Variants in FAM81B observed in about 807,000 individuals in gnomAD.
The protein encoded by FAM81B is family with sequence similarity 81 member B.
In FAM81B, 60 loss-of-function variants were observed where a neutral mutation model predicts 58.7. The observed-to-expected ratio is 1.02, with a 90% CI of 0.83 to 1.27. The LOEUF (loss-of-function observed/expected upper bound fraction) is 1.27, where lower values mean the gene tolerates loss of function less well. Ranked by LOEUF, FAM81B falls within the 50% of genes most tolerant of loss-of-function variation. FAM81B has a pLI of 0.00. For synonymous variants in FAM81B, 189 were observed against 179.6 expected, an observed-to-expected ratio of 1.05 and a Z score of -0.42; for missense variants, 491 against 522.0, an observed-to-expected ratio of 0.94 and a Z score of 0.58.
At chr5:95,407,296 A>G (rs1439228436) in intron 3 of FAM81B, among the ~76,000 whole-genome samples, 2 of 141,974 alleles carry the variant, frequency 1.4e-5, no homozygotes, top group African/African-American at 2.7e-5. Context: ...ACACACACGC[A>G]CATCTGCCAG....
chr5:95,414,305 T>G, intron 4 of FAM81B, 115 bp downstream of exon 4: 1 of 1,145,104 alleles, frequency 8.7e-7, no homozygotes, highest in African/African-American at 1.6e-5. Flanking sequence ...CACTATTGCT[T>G]AAGTTTAGAT....
At chr5:95,396,068 A>G (rs1172748538) in intron 2 of FAM81B, 43 bp from the exon 3 acceptor site, 1 of 1,450,008 alleles carries the variant, frequency 6.9e-7, no homozygotes, top group South Asian at 1.2e-5. Flanking sequence ...GTAATCTGTA[A>G]AGAAGCAGAT....
chr5:95,428,826 T>C, intron 6 of FAM81B, 94 bp downstream of exon 6: 1 of 1,535,360 alleles, frequency 6.5e-7, no homozygotes, highest in South Asian at 1.2e-5. Context: ...GGTAATTTTT[T>C]AAGAGAACTC....
rs759904264 is a variant in FAM81B, at chr5:95,414,200, TTTTTG to T, written c.537+15_537+19del. On this transcript the variant is annotated intron_variant, in intron 4 of 9. Transcript: ENST00000283357. Reference sequence around the variant, plus strand: ...CAGCCAAAATATTGAGGTAGTTCTCTTTTTGTTTTATTTTGTTTTTGTTTTGTATT... The same window carrying T: ...CAGCCAAAATATTGAGGTAGTTCTCTTTTTATTTTGTTTTTGTTTTGTATT... 9 of 1,524,546 alleles carry T rather than the reference TTTTTG, an allele frequency of 5.9e-6. No homozygotes were observed. Among genetic ancestry groups the T allele is most frequent in the Non-Finnish European group, 7.9e-6 (9 of 1,137,332 alleles). 94.4% of individuals were successfully genotyped at this position (1,524,546 alleles called of 1,614,324 possible).
chr5:95,443,867 A>G (rs1745455672), intron 7 of FAM81B, among the ~76,000 whole-genome samples: 1 of 152,214 alleles, frequency 6.6e-6, no homozygotes, highest in African/African-American at 2.4e-5. Flanking sequence ...ATGCCCTTCC[A>G]GAGATATTAC....
At chr5:95,437,831 C>G (rs1745166392) in intron 7 of FAM81B, among the ~76,000 whole-genome samples, 1 of 151,298 alleles carries the variant, frequency 6.6e-6, no homozygotes. Flanking sequence ...GAGGGAAATT[C>G]TAGTTACTTG....
intron 7 of FAM81B, among the ~76,000 whole-genome samples, chr5:95,441,930 C>T (rs1430593483): frequency 6.6e-6 from 1 of 152,220 alleles, no homozygotes; most frequent in Non-Finnish European, 1.5e-5. Flanking sequence ...AGGGGCAGCA[C>T]TTACCAGTCA....
At chr5:95,422,356 T>C in intron 5 of FAM81B, among the ~76,000 whole-genome samples, 1 of 151,488 alleles carries the variant, frequency 6.6e-6, no homozygotes, top group East Asian at 1.9e-4. Flanking sequence ...ATTTTATCAA[T>C]ACCAAAGAAG....
At chr5:95,391,592 A>C in intron 1 of FAM81B, 79 bp downstream of exon 1, 1 of 1,458,234 alleles carries the variant, frequency 6.9e-7, no homozygotes, top group Non-Finnish European at 9.2e-7. Context: ...ATATAAACAA[A>C]ATAATGAATC....
chr5:95,426,133 T>A (rs1762825358), intron 5 of FAM81B, among the ~76,000 whole-genome samples: 1 of 144,746 alleles, frequency 6.9e-6, no homozygotes, highest in Admixed American at 6.9e-5. Flanking sequence ...TGTACACATA[T>A]ATTTTAAGTA....
chr5:95,429,621 T>C (rs555107728), intron 6 of FAM81B, among the ~76,000 whole-genome samples: 2 of 152,212 alleles, frequency 1.3e-5, no homozygotes, highest in Non-Finnish European at 2.9e-5. Context: ...GGCCCAATAA[T>C]TTTTAAACTC....
Position 95,428,669 on chromosome 5 carries a change from T to C in FAM81B, c.723T>C (p.Ile241=). 1.2e-6 allele frequency: 2 copies of C among 1,613,968 alleles called. No homozygotes were observed. Among genetic ancestry groups the C allele is most frequent in the South Asian group, 1.1e-5 (1 of 91,070 alleles). The change falls in exon 6 of 10, where the codon ATT becomes ATC. Residue 241 remains isoleucine (I), a synonymous_variant. Coordinates refer to ENST00000283357, the MANE Select transcript of FAM81B (RefSeq NM_152548.3). The part of the protein sequence containing the change: ...IHLFRQEHRQ[I]EKAIQEFVPA... ...TATTCAGGCAAGAGCACCGGCAAAT[T>C]GAGAAAGCCATTCAAGAATTCGTGC...
intron 3 of FAM81B, 65 bp downstream of exon 3, chr5:95,396,240 CA>C: frequency 7.8e-7 from 1 of 1,277,634 alleles, no homozygotes; most frequent in Admixed American, 2.4e-5. Context: ...ATCTCACACG[CA>C]AAAAAGAAAA....
rs1235491378 is a variant in FAM81B at position 95,446,655 on chromosome 5, G to T, written c.987G>T (p.Leu329=). The T allele has an allele frequency of 1.2e-6, 2 of 1,611,766 alleles. No individual in the cohort carries two copies. The highest frequency in any genetic ancestry group is 1.7e-6 in the Non-Finnish European group (2 of 1,179,488). ...NQFLKYRKDH[L]GHINECLKVL... ...TTCTCAAATATAGAAAAGACCACCT[G>T]GGCCATATAAATGAATGTCTGAAGG... The change falls in exon 8 of 10, where the codon CTG becomes CTT. Residue 329 remains leucine (L), a synonymous_variant. Coordinates refer to ENST00000283357, the MANE Select transcript of FAM81B (RefSeq NM_152548.3).
intron 3 of FAM81B, among the ~76,000 whole-genome samples, chr5:95,407,627 T>C (rs1762291918): frequency 6.6e-6 from 1 of 152,210 alleles, no homozygotes; most frequent in Non-Finnish European, 1.5e-5. Flanking sequence ...CCTAACTGTT[T>C]TTTGTCTGAA....
intron 3 of FAM81B, among the ~76,000 whole-genome samples, chr5:95,398,770 A>G (rs1053054526): frequency 5.3e-5 from 8 of 152,228 alleles, no homozygotes; most frequent in African/African-American, 1.9e-4. Flanking sequence ...AGAATCTGAC[A>G]TTTGAGAAAA....
chr5:95,402,239 G>T (rs1184003377), intron 3 of FAM81B, among the ~76,000 whole-genome samples: 3 of 152,124 alleles, frequency 2.0e-5, no homozygotes, highest in Non-Finnish European at 4.4e-5. Context: ...TCATGTGTTT[G>T]TTCTTCCATG....
rs760483748 is a variant in FAM81B at position 95,414,094 on chromosome 5, T to A, written c.441T>A (p.His147Gln). Reference sequence around the variant, plus strand: ...TCTCTGCTTGCCTGCAGGGGACCCATGGCTTTCGAAAAGAGGAATCGCTCG... The same window carrying A: ...TCTCTGCTTGCCTGCAGGGGACCCAAGGCTTTCGAAAAGAGGAATCGCTCG... ...EDISACLQGT[H>Q]GFRKEESLAR... Residue 147 changes from histidine to glutamine, a missense_variant, in exon 4 of 10, where the codon CAT becomes CAA. Coordinates refer to ENST00000283357, the MANE Select transcript of FAM81B (RefSeq NM_152548.3). 31 of 1,613,960 alleles carry A rather than the reference T, an allele frequency of 1.9e-5. No individual in the cohort carries two copies. The highest frequency in any genetic ancestry group is 2.5e-5 in the Non-Finnish European group (29 of 1,180,004).
At chr5:95,443,551 C>T (rs1236253181) in intron 7 of FAM81B, among the ~76,000 whole-genome samples, 1 of 152,142 alleles carries the variant, frequency 6.6e-6, no homozygotes, top group Non-Finnish European at 1.5e-5. Flanking sequence ...AAGATAGATT[C>T]ATACTGCTGA....
Sources: gnomAD v4.1 joint callset for allele counts (sites outside exome capture counted in the v4.1 genomes callset) on GRCh38, gnomAD v4.1.1 for gene constraint, MANE v1.5 for transcripts, NCBI Gene and HGNC (gene_info 2026-07-23, HGNC 2026-07-21) for gene names.